INPPL1: variants seen among roughly 807,000 people sequenced by gnomAD.
The protein encoded by INPPL1 is phosphatidylinositol 3,4,5-trisphosphate 5-phosphatase 2.
A neutral mutation model predicts 139.3 loss-of-function variants in INPPL1; 91 were observed. The ratio of observed to expected loss-of-function variants is 0.65; its 90% confidence interval spans 0.55 to 0.78. The LOEUF is 0.78. INPPL1 is among the 30% of genes least tolerant of loss of function. INPPL1 has a pLI of 0.00. For missense variants in INPPL1, 1,411 were observed against 1,665.6 expected (o/e 0.85, Z 2.66); for synonymous variants, 719 against 686.6 (o/e 1.05, Z -0.74).
In INPPL1 at chr11:72,233,721, C is replaced by A; in HGVS notation, c.2189C>A (p.Thr730Asn). The A allele has an allele frequency of 6.2e-7, 1 of 1,614,072 alleles. No individual in the cohort carries two copies. The highest frequency in any genetic ancestry group is 1.7e-5 in the Admixed American group (1 of 60,018). ...PVFGTFEVGV[T>N]SQFISKKGLS... is the part of the protein sequence containing the mutation. ...TTTGGGACATTTGAGGTTGGAGTTA[C>A]CTCCCAGTTCATCTCCAAGAAAGGT... Residue 730 changes from threonine (T) to asparagine (N), a missense_variant, in exon 19 of 28, where the codon ACC becomes AAC. Transcript: ENST00000298229.
rs375202715 is a variant in INPPL1, at chr11:72,238,246, C to T, written c.3687-17C>T. 8 of 1,613,682 alleles carry T rather than the reference C, an allele frequency of 5.0e-6. No individual in the cohort carries two copies. Among genetic ancestry groups the T allele is most frequent in the Non-Finnish European group, 6.8e-6 (8 of 1,179,770 alleles). On this transcript the variant is annotated splice_polypyrimidine_tract_variant and intron_variant, in intron 27 of 27. Transcript: ENST00000298229. ...TCCCCTTGCCCATCTCACTTCCCAG[C>T]CTGTTTTACTCCACAGTGACATCAC...
Position 72,237,271 on chromosome 11 carries a change from C to G in INPPL1, c.3027C>G (p.Val1009=). The G allele has an allele frequency of 3.1e-6, 5 of 1,614,044 alleles. No individual in the cohort carries two copies. The highest frequency in any genetic ancestry group is 3.4e-6 in the Non-Finnish European group (4 of 1,180,018). The change falls in exon 26 of 28, where the codon GTC becomes GTG. Residue 1009 remains valine, a synonymous_variant. Transcript: ENST00000298229. ...CACCCTCGCCTGCCAGGGCCCCTGTCCCATCTGCCACCAAGAACAAAGTGG... is the reference window on the plus strand; with the variant it reads ...CACCCTCGCCTGCCAGGGCCCCTGTGCCATCTGCCACCAAGAACAAAGTGG... ...PEPPSPARAP[V]PSATKNKVAI...
In INPPL1 at chr11:72,228,291, G is replaced by A. The variant is rs1397060473; in HGVS notation, c.246+38G>A. On this transcript the variant is annotated intron_variant, in intron 2 of 27. Transcript: ENST00000298229. This position sits in a 1 kb window ranked among gnomAD's most constrained non-coding sequence, Gnocchi z 5.0. The stretch of plus-strand genomic sequence containing the variant: ...GCCCCTGACCCCTGACCTTGATCCA[G>A]CCTAGGGCTTGGGGACCTGCTGGCT... The A allele has an allele frequency of 6.2e-7, 1 of 1,614,074 alleles. No individual in the cohort carries two copies.
chr11:72,229,948 A>G lies in INPPL1; in HGVS notation c.868A>G (p.Ser290Gly). 6.2e-7 allele frequency: 1 copy of G among 1,614,120 alleles called. No individual in the cohort carries two copies. The highest frequency in any genetic ancestry group is 8.5e-7 in the Non-Finnish European group (1 of 1,180,014). Reference protein sequence around the residue: ...KKALKALQDMSSTAPPAPQPS... With the variant: ...KKALKALQDMGSTAPPAPQPS... ...GGCCCTGAAGGCCCTACAGGACATG[A>G]GCTCCACAGCACCCCCAGCTCCGCA... Residue 290 changes from serine to glycine, a missense_variant, in exon 8 of 28, where the codon AGC becomes GGC. Physicochemically the swap from Ser to Gly is moderately conservative, Grantham distance 56 (BLOSUM62 0). Transcript: ENST00000298229.
Position 72,235,297 on chromosome 11 carries a change from G to A in INPPL1, c.2505G>A (p.Gly835=). 1 of 1,614,034 alleles carries A rather than the reference G, an allele frequency of 6.2e-7. No homozygotes were observed. The highest frequency in any genetic ancestry group is 1.3e-5 in the African/African-American group (1 of 75,010). ...TGGTTTGTCCCATCTGCTCCTCAGG[G>A]GAGTGTGTGGTTGCACTCAAATCCA... ...VKSMDGYESY[G]ECVVALKSMI... is the part of the protein sequence containing the mutation. The change falls in exon 23 of 28, where the codon GGG becomes GGA. Residue 835 remains glycine (G), a splice_region_variant and synonymous_variant. Coordinates refer to ENST00000298229, the MANE Select transcript of INPPL1 (RefSeq NM_001567.4). This position sits in a 1 kb window ranked among gnomAD's most constrained non-coding sequence, Gnocchi z 4.9.
chr11:72,225,970 A>G (rs1660886302), intron 1 of INPPL1, among the ~76,000 whole-genome samples: 1 of 152,074 alleles, frequency 6.6e-6, no homozygotes, highest in Non-Finnish European at 1.5e-5. Flanking sequence ...CCTGCCCTGC[A>G]GTCTGACATT....
chr11:72,238,008 A>G (rs1235420036), intron 26 of INPPL1, 34 bp from the exon 27 acceptor site: 2 of 1,513,920 alleles, frequency 1.3e-6, no homozygotes, highest in African/African-American at 1.4e-5. Flanking sequence ...TATGGGGGGC[A>G]CTCAGCTCCC....
chr11:72,224,859 C>T lies in INPPL1; in HGVS notation c.-126C>T, dbSNP rs572311778. On this transcript the variant is annotated 5_prime_UTR_variant, in exon 1 of 28. Coordinates refer to ENST00000298229, the MANE Select transcript of INPPL1 (RefSeq NM_001567.4). ...CGGCGGAGTGCTGAGTCCCGATCCC[C>T]GGCTCTGTCCGGCCCACGGATCCTC... 4.7e-4 allele frequency: 290 copies of T among 610,610 alleles called. No homozygotes were observed. The African/African-American group carries it at 5.4e-3, about 11-fold the overall frequency. 37.8% of individuals were successfully genotyped at this position (610,610 alleles called of 1,614,324 possible).
In INPPL1 at chr11:72,238,069, A is replaced by G. The variant is rs752131830; in HGVS notation, c.3580A>G (p.Ser1194Gly). 1.0e-5 allele frequency: 16 copies of G among 1,569,376 alleles called. No individual in the cohort carries two copies. In the Admixed American group the frequency reaches 2.2e-4, roughly 22 times the overall value. The change falls in exon 27 of 28, where the codon AGC becomes GGC. Residue 1194 changes from serine (S) to glycine (G), a missense_variant. Coordinates refer to ENST00000298229, the MANE Select transcript of INPPL1 (RefSeq NM_001567.4). ...EAPCLQGGRA[S>G]GLGEAGMSAW... ...TCCGTGCCTGCAGGGCGGGCGGGCC[A>G]GCGGGCTGGGCGAGGCAGGCATGAG...
At chr11:72,229,275 C>T (rs373889269) in intron 5 of INPPL1, 45 bp downstream of exon 5, 565 of 1,548,612 alleles carry the variant, frequency 3.6e-4, no homozygotes, top group Non-Finnish European at 4.6e-4. Context: ...TTACCTCTGA[C>T]CTGTCCTCAC....
upstream of INPPL1, chr11:72,224,003 T>C (rs1328653175): frequency 6.6e-6 from 1 of 152,178 alleles, no homozygotes; most frequent in Non-Finnish European, 1.5e-5. Flanking sequence ...GGAGGGAACT[T>C]TCTACTAGAC....
rs1226154940 is a variant in INPPL1, at chr11:72,235,163, C to G, written c.2463C>G (p.Leu821=). 6.2e-7 allele frequency: 1 copy of G among 1,614,064 alleles called. No homozygotes were observed. The highest frequency in any genetic ancestry group is 2.2e-5 in the East Asian group (1 of 44,872). The change falls in exon 22 of 28, where the codon CTC becomes CTG. Residue 821 remains leucine, a synonymous_variant. Coordinates refer to ENST00000298229, the MANE Select transcript of INPPL1 (RefSeq NM_001567.4). The surrounding 1 kb of genome is among the most constrained non-coding windows in gnomAD (Gnocchi z 4.9). ...ADIEYLQDQH[L]LLTVKSMDGY... ...TCGAGTACCTGCAGGACCAGCACCT[C>G]CTGCTCACAGTCAAGTCCATGGATG...
intron 10 of INPPL1, 80 bp downstream of exon 10, chr11:72,230,548 G>A: frequency 7.4e-7 from 1 of 1,350,436 alleles, no homozygotes; most frequent in South Asian, 1.2e-5. Flanking sequence ...GGTAAGAAAG[G>A]GAACACATGA....
chr11:72,237,754 A>T lies in INPPL1; in HGVS notation c.3510A>T (p.Pro1170=). 1.9e-6 allele frequency: 3 copies of T among 1,610,104 alleles called. No homozygotes were observed. The highest frequency in any genetic ancestry group is 2.5e-6 in the Non-Finnish European group (3 of 1,178,890). The change falls in exon 26 of 28, where the codon CCA becomes CCT. Residue 1170 remains proline, a synonymous_variant. Coordinates refer to ENST00000298229, the MANE Select transcript of INPPL1 (RefSeq NM_001567.4). ...ATGGCCGGCCCCTCAGCTTCCCTCC[A>T]CCCCGCATCCGGGAGAGCATCCAGG... The part of the protein sequence containing the change: ...SDYGRPLSFP[P]PRIRESIQED...
At position 72,228,618 on chromosome 11, in the gene INPPL1, G is replaced by A. The variant is rs930093088; in HGVS notation, c.398-109G>A. The A allele has an allele frequency of 2.6e-5, 40 of 1,527,940 alleles. No homozygotes were observed. Among genetic ancestry groups the A allele is most frequent in the Non-Finnish European group, 3.0e-5 (34 of 1,130,538 alleles). 94.6% of individuals were successfully genotyped at this position (1,527,940 alleles called of 1,614,324 possible). A position where few individuals can be genotyped will look rare whatever the true frequency, so the allele number is the denominator to read the frequency against. On this transcript the variant is annotated intron_variant, in intron 3 of 27. Coordinates refer to ENST00000298229, the MANE Select transcript of INPPL1 (RefSeq NM_001567.4). This position sits in a 1 kb window ranked among gnomAD's most constrained non-coding sequence, Gnocchi z 5.0. ...CCCCCTTTCCCTTGGCCATGATGCC[G>A]GGGCCCTTTAACCCTCTTTCCATGG...
chr11:72,230,634 GGATAA>G (rs1419982599), intron 10 of INPPL1, 157 bp from the exon 11 acceptor site: 1 of 845,550 alleles, frequency 1.2e-6, no homozygotes, highest in Non-Finnish European at 1.9e-6. Context: ...GCCTGAGGGT[GGATAA>G]CATTTGCCAG....
At position 72,237,668 on chromosome 11, in the gene INPPL1, C is replaced by G. The variant is rs374001069; in HGVS notation, c.3424C>G (p.Arg1142Gly). The G allele has an allele frequency of 6.8e-6, 11 of 1,611,630 alleles. No homozygotes were observed. In the East Asian group the frequency reaches 1.6e-4, roughly 23 times the overall value. Residue 1142 changes from arginine (R) to glycine (G), a missense_variant, in exon 26 of 28, where the codon CGC becomes GGC. Physicochemically the swap from Arg to Gly is moderately radical, Grantham distance 125. Transcript: ENST00000298229. ...EVDYAPAGPA[R>G]SALLPGPLEL... ...GGACTATGCCCCTGCTGGGCCTGCA[C>G]GCTCAGCGCTCCTCCCAGGCCCCCT...
In INPPL1 at chr11:72,228,760, G is replaced by T. The variant is rs773663316; in HGVS notation, c.431G>T (p.Arg144Leu). 6.2e-7 allele frequency: 1 copy of T among 1,610,880 alleles called. No individual in the cohort carries two copies. Among genetic ancestry groups the T allele is most frequent in the Non-Finnish European group, 8.5e-7 (1 of 1,178,390 alleles). ...GATGAGAAGCCCCCGCTGCCCCCGCGCTCTGGCTCCACCAGCATTTCTGCC... is the reference window on the plus strand; with the variant it reads ...GATGAGAAGCCCCCGCTGCCCCCGCTCTCTGGCTCCACCAGCATTTCTGCC... ...GEDEKPPLPP[R>L]SGSTSISAPT... Residue 144 changes from arginine (R) to leucine (L), a missense_variant, in exon 4 of 28, where the codon CGC becomes CTC. Transcript: ENST00000298229. This position sits in a 1 kb window ranked among gnomAD's most constrained non-coding sequence, Gnocchi z 5.0.
At position 72,237,337 on chromosome 11, in the gene INPPL1, C is replaced by G; in HGVS notation, c.3093C>G (p.His1031Gln). ...CTCCACAGCTTGGGCACCACCGGCACCCTCGTGTGGGAGAGGGGAGTTCTT... is the reference window on the plus strand; with the variant it reads ...CTCCACAGCTTGGGCACCACCGGCAGCCTCGTGTGGGAGAGGGGAGTTCTT... ...VPAPQLGHHR[H>Q]PRVGEGSSSD... Residue 1031 changes from histidine to glutamine, a missense_variant, in exon 26 of 28, where the codon CAC (histidine) becomes CAG (glutamine). By Grantham distance (24) the His-to-Gln change is conservative (BLOSUM62 0). Coordinates refer to ENST00000298229, the MANE Select transcript of INPPL1 (RefSeq NM_001567.4). 1 of 1,614,042 alleles carries G rather than the reference C, an allele frequency of 6.2e-7. No individual in the cohort carries two copies. The highest frequency in any genetic ancestry group is 8.5e-7 in the Non-Finnish European group (1 of 1,180,012).
Sources: gnomAD v4.1 joint callset for allele counts (sites outside exome capture counted in the v4.1 genomes callset) on GRCh38, gnomAD v4.1.1 for gene constraint, Gnocchi (gnomAD v3.1) non-coding constraint, MANE v1.5 for transcripts, NCBI Gene and HGNC (gene_info 2026-07-23, HGNC 2026-07-21) for gene names.